The following DPH6 variants were observed in gnomAD, a reference collection of about 807,000 sequenced individuals.
DPH6 encodes the protein diphthamine biosynthesis 6, also known as diphthine--ammonia ligase.
Under a neutral mutation model 38.2 loss-of-function variants are expected in DPH6, and 33 were observed. The observed-to-expected ratio is 0.86, with a 90% CI of 0.65 to 1.15. The LOEUF (loss-of-function observed/expected upper bound fraction) is 1.15, where lower values mean the gene tolerates loss of function less well. Among genes scored for constraint, DPH6 ranks in the 50% most tolerant of loss-of-function variants. The probability of loss-of-function intolerance (pLI) is 0.00; values close to 1 mark genes in which losing one functional copy is unlikely to be tolerated. For missense variants in DPH6, 325 were observed against 320.0 expected (o/e 1.02, Z -0.12); for synonymous variants, 108 against 103.0 (o/e 1.05, Z -0.30).
chr15:35,358,265 A>T (rs897965282), intron 3 of DPH6, among the ~76,000 whole-genome samples: 1 of 151,820 alleles, frequency 6.6e-6, no homozygotes, highest in South Asian at 2.1e-4. Flanking sequence ...TATTTCCTTG[A>T]ATATTTCTCC....
At chr15:35,382,450 AAC>A (rs56269036) in intron 6 of DPH6, among the ~76,000 whole-genome samples, 21 of 150,270 alleles carry the variant, frequency 1.4e-4, no homozygotes, top group African/African-American at 2.0e-4. Flanking sequence ...CGAAAAACAA[AAC>A]ACACACACAC....
intron 6 of DPH6, among the ~76,000 whole-genome samples, chr15:35,382,687 G>T (rs2052887758): frequency 6.6e-6 from 1 of 152,048 alleles, no homozygotes; most frequent in Admixed American, 6.5e-5. Flanking sequence ...TGAACAAAAA[G>T]AAGTCACATA....
intron 3 of DPH6, among the ~76,000 whole-genome samples, chr15:35,525,734 G>T (rs2054990589): frequency 6.6e-6 from 1 of 152,154 alleles, no homozygotes; most frequent in South Asian, 2.1e-4. Flanking sequence ...CAGATATGCA[G>T]GACGCTGAGG....
intron 3 of DPH6, among the ~76,000 whole-genome samples, chr15:35,342,528 T>C (rs1016577579): frequency 6.6e-6 from 1 of 152,202 alleles, no homozygotes; most frequent in African/African-American, 2.4e-5. Context: ...AGAACCTGGA[T>C]ATTTCAGTTG....
In DPH6 at chr15:35,517,828, GA is replaced by G. The variant is rs1278608613; in HGVS notation, c.312+20445del. On this transcript the variant is annotated intron_variant, in intron 3 of 8. Coordinates refer to ENST00000256538, the MANE Select transcript of DPH6 (RefSeq NM_080650.4). Reference sequence around the variant, plus strand: ...TATCATCAGGTCATTTGAAGTGTCTGAATCTAAACCAATCATTGTGGTATAT... The same window carrying G: ...TATCATCAGGTCATTTGAAGTGTCTGATCTAAACCAATCATTGTGGTATAT... Among the ~76,000 whole-genome samples the G allele has an allele frequency of 3.3e-5, 5 of 151,962 alleles. No homozygotes were observed. In the East Asian group the frequency reaches 9.6e-4, roughly 29 times the overall value.
At chr15:35,514,121 CAATT>C (rs1323776448) in intron 3 of DPH6, among the ~76,000 whole-genome samples, 5 of 152,002 alleles carry the variant, frequency 3.3e-5, no homozygotes, top group Non-Finnish European at 2.9e-5. Context: ...CAGTAATTCT[CAATT>C]AACCATAAAG....
chr15:35,340,720 C>T (rs1363582141), intron 3 of DPH6, among the ~76,000 whole-genome samples: 1 of 152,132 alleles, frequency 6.6e-6, no homozygotes, highest in East Asian at 1.9e-4. Context: ...TCTCTTCTGG[C>T]TTGTGGGGTT....
intron 3 of DPH6, among the ~76,000 whole-genome samples, chr15:35,259,064 G>C (rs1246702792): frequency 6.6e-6 from 1 of 150,788 alleles, no homozygotes; most frequent in Non-Finnish European, 1.5e-5. Flanking sequence ...AGAATCGCTT[G>C]AACCCAGGAG....
chr15:35,480,819 A>G (rs1341792699), intron 3 of DPH6, among the ~76,000 whole-genome samples: 1 of 152,100 alleles, frequency 6.6e-6, no homozygotes, highest in East Asian at 1.9e-4. Flanking sequence ...GAGTAACCAG[A>G]TAATAGGAAG....
chr15:35,409,508 C>G (rs1451218772), intron 6 of DPH6, among the ~76,000 whole-genome samples: 1 of 151,938 alleles, frequency 6.6e-6, no homozygotes, highest in East Asian at 1.9e-4. Context: ...ACCTTACTTG[C>G]CTTTTCTACA....
intron 3 of DPH6, chr15:35,521,234 G>A: frequency 1.0e-6 from 1 of 985,676 alleles, no homozygotes; most frequent in African/African-American, 1.7e-5. Flanking sequence ...CCTAAGGCAA[G>A]GCAGTTCTAG....
chr15:35,316,009 G>A (rs996081765), intron 3 of DPH6, among the ~76,000 whole-genome samples: 1 of 152,092 alleles, frequency 6.6e-6, no homozygotes, highest in African/African-American at 2.4e-5. Flanking sequence ...AAGATATAGA[G>A]TAGATTGGTG....
intron 3 of DPH6, among the ~76,000 whole-genome samples, chr15:35,292,271 C>G (rs1283397699): frequency 1.3e-5 from 2 of 152,230 alleles, no homozygotes; most frequent in East Asian, 3.9e-4. Context: ...CTTATTGTTA[C>G]ATTAACCACA....
chr15:35,257,587 C>A (rs1439837282), intron 3 of DPH6, among the ~76,000 whole-genome samples: 1 of 152,076 alleles, frequency 6.6e-6, no homozygotes, highest in Non-Finnish European at 1.5e-5. Flanking sequence ...AACTCAGATT[C>A]GAGAAATGGG....
At chr15:35,483,462 TCAAAAAAAAAC>T (rs1446384561) in intron 3 of DPH6, among the ~76,000 whole-genome samples, 2 of 137,852 alleles carry the variant, frequency 1.5e-5, no homozygotes, top group Non-Finnish European at 3.1e-5. Context: ...AGACTCTGTC[TCAAAAAAAAAC>T]CAAAAAAAAA....
At position 35,522,357 on chromosome 15, in the gene DPH6, T is replaced by C. The variant is rs908654804; in HGVS notation, c.312+15917A>G. On this transcript the variant is annotated intron_variant, in intron 3 of 8. Coordinates refer to ENST00000256538, the MANE Select transcript of DPH6 (RefSeq NM_080650.4). ...AAAAAGCCCTGAGGCTGGATTACCATCTTTCACCACCAGTCAGGCTGTCTC... is the reference window on the plus strand; with the variant it reads ...AAAAAGCCCTGAGGCTGGATTACCACCTTTCACCACCAGTCAGGCTGTCTC... The C allele has an allele frequency of 1.4e-5, 20 of 1,413,338 alleles. No homozygotes were observed. In the African/African-American group the frequency reaches 2.9e-4, roughly 20 times the overall value. The allele number at this position is 1,413,338 out of a possible 1,614,324, so 87.5% of individuals were successfully genotyped here. A position where few individuals can be genotyped will look rare whatever the true frequency, so the allele number is the denominator to read the frequency against.
intron 3 of DPH6, among the ~76,000 whole-genome samples, chr15:35,304,848 T>A (rs1242485915): frequency 6.6e-6 from 1 of 151,814 alleles, no homozygotes; most frequent in Non-Finnish European, 1.5e-5. Flanking sequence ...AGTCTCACCC[T>A]CACATTCTCT....
chr15:35,391,080 G>A (rs575447255), intron 6 of DPH6, among the ~76,000 whole-genome samples: 9 of 152,174 alleles, frequency 5.9e-5, no homozygotes, highest in African/African-American at 1.7e-4. Context: ...CTCAGCTGCA[G>A]GTCTGTTGGA....
intron 5 of DPH6, among the ~76,000 whole-genome samples, chr15:35,424,953 A>G (rs1313538359): frequency 1.3e-5 from 2 of 151,652 alleles, no homozygotes; most frequent in Admixed American, 1.3e-4. Flanking sequence ...AACCCTGATT[A>G]CAGCCTCCTT....
Sources: allele counts gnomAD v4.1 joint callset (sites outside exome capture counted in the v4.1 genomes callset), GRCh38; gene constraint gnomAD v4.1.1; transcripts MANE v1.5; gene names NCBI Gene and HGNC (gene_info 2026-07-23, HGNC 2026-07-21).